The following GSAP variants were observed in gnomAD, a reference collection of about 807,000 sequenced individuals.
The protein encoded by GSAP is gamma-secretase-activating protein.
GSAP carries 118 observed loss-of-function variants against 131.7 expected under a neutral mutation model. That is an observed-to-expected ratio of 0.90 (90% CI 0.77 to 1.04). The LOEUF (loss-of-function observed/expected upper bound fraction) is 1.04. GSAP is among the 50% of genes least tolerant of loss of function. The probability of loss-of-function intolerance (pLI) is 0.00; values close to 1 mark genes in which losing one functional copy is unlikely to be tolerated. For synonymous variants in GSAP, 381 were observed against 363.4 expected (o/e 1.05, Z -0.55); for missense variants, 1,019 against 1,013.2 (o/e 1.01, Z -0.08).
intron 12 of GSAP, among the ~76,000 whole-genome samples, chr7:77,364,930 T>A (rs149333526): frequency 6.6e-6 from 1 of 152,166 alleles, no homozygotes; most frequent in African/African-American, 2.4e-5. Context: ...CCACATGTAG[T>A]CACTGAACAC....
intron 3 of GSAP, among the ~76,000 whole-genome samples, chr7:77,397,981 A>G (rs1315083949): frequency 1.3e-5 from 2 of 152,076 alleles, no homozygotes; most frequent in African/African-American, 4.8e-5. Context: ...AGACTTCTTT[A>G]ATTTTTTTTC....
intron 1 of GSAP, among the ~76,000 whole-genome samples, chr7:77,410,766 A>G (rs1803119378): frequency 6.6e-6 from 1 of 152,214 alleles, no homozygotes; most frequent in Non-Finnish European, 1.5e-5. Flanking sequence ...GACAAAAATT[A>G]AAGTATTTGT....
intron 19 of GSAP, among the ~76,000 whole-genome samples, chr7:77,347,443 T>C (rs374294076): frequency 1.3e-5 from 2 of 152,072 alleles, no homozygotes; most frequent in Non-Finnish European, 1.5e-5. Context: ...ACCCAGCTGG[T>C]GTCTGCTGCT....
chr7:77,313,313 A>G (rs1794612380), intron 28 of GSAP, among the ~76,000 whole-genome samples, 175 bp downstream of exon 28: 1 of 151,834 alleles, frequency 6.6e-6, no homozygotes, highest in South Asian at 2.1e-4. Context: ...TTGTAGGCCA[A>G]GTGGGAAACA....
chr7:77,397,429 AAT>A lies in GSAP; in HGVS notation c.244-16_244-15del. 1 of 1,388,616 alleles carries A rather than the reference AAT, an allele frequency of 7.2e-7. No homozygotes were observed. The highest frequency in any genetic ancestry group is 1.0e-6 in the Non-Finnish European group (1 of 988,024). 86.0% of individuals were successfully genotyped at this position (1,388,616 alleles called of 1,614,324 possible). A position where few individuals can be genotyped will look rare whatever the true frequency, so the allele number is the denominator to read the frequency against. ...GGTATATAGAAGCTATTAAAACAAA[AAT>A]ATTTTTTAATTTGAAGTTTCATACA... is the stretch of plus-strand genomic sequence containing the variant. On this transcript the variant is annotated splice_polypyrimidine_tract_variant and intron_variant, in intron 3 of 30. Coordinates refer to ENST00000257626, the MANE Select transcript of GSAP (RefSeq NM_017439.4).
intron 14 of GSAP, among the ~76,000 whole-genome samples, chr7:77,358,134 A>AG (rs1341375760): frequency 6.6e-6 from 1 of 152,206 alleles, no homozygotes; most frequent in Admixed American, 6.5e-5. Flanking sequence ...TGAGGTCAGG[A>AG]GTTCGAGACC....
Position 77,381,290 on chromosome 7 carries a change from A to C in GSAP, c.576+15T>G. 6.7e-7 allele frequency: 1 copy of C among 1,499,548 alleles called. No homozygotes were observed. Among genetic ancestry groups the C allele is most frequent in the Non-Finnish European group, 9.1e-7 (1 of 1,101,220 alleles). 92.9% of individuals were successfully genotyped at this position (1,499,548 alleles called of 1,614,324 possible). On this transcript the variant is annotated intron_variant, in intron 8 of 30. Transcript: ENST00000257626. ...AAAAAAAACCTATGAAGCGAAAAGA[A>C]TTTCAAATCTTTACCACTCTATTTC... is the stretch of plus-strand genomic sequence containing the variant.
At chr7:77,318,138 A>G (rs533490832) in intron 26 of GSAP, among the ~76,000 whole-genome samples, 22 of 152,344 alleles carry the variant, frequency 1.4e-4, no homozygotes, top group African/African-American at 4.8e-4. Flanking sequence ...TTTTGGAGCC[A>G]AACTGCCTGG....
Position 77,355,627 on chromosome 7 carries a change from A to C in GSAP, c.1048T>G (p.Leu350Val), listed in dbSNP as rs1248838395. The change falls in exon 15 of 31, where the codon TTA becomes GTA. Residue 350 changes from leucine (L) to valine (V), a missense_variant. Coordinates refer to ENST00000257626, the MANE Select transcript of GSAP (RefSeq NM_017439.4). Reference protein sequence around the residue: ...LNLDYYVAVYLPGHFFHLLNV... With the variant: ...LNLDYYVAVYVPGHFFHLLNV... Reference sequence around the variant, plus strand: ...AGTAGGTGGAAGAAATGACCAGGTAAGTAAACAGCCACATAATAGTCTATA... The same window carrying C: ...AGTAGGTGGAAGAAATGACCAGGTACGTAAACAGCCACATAATAGTCTATA... The C allele has an allele frequency of 6.3e-7, 1 of 1,591,488 alleles. No individual in the cohort carries two copies. The highest frequency in any genetic ancestry group is 8.6e-7 in the Non-Finnish European group (1 of 1,159,364).
chr7:77,397,883 T>TG (rs1262138638), intron 3 of GSAP, among the ~76,000 whole-genome samples: 8 of 152,208 alleles, frequency 5.3e-5, no homozygotes, highest in African/African-American at 1.9e-4. Context: ...ACTGAGGTAA[T>TG]TAATTACCTC....
In GSAP at chr7:77,355,592, T is replaced by C. The variant is rs1793562447; in HGVS notation, c.1083A>G (p.Gln361=). ...PGHFFHLLNV[Q]HPDLICHNLF... ...GATTGTGGCAGATCAGGTCTGGATG[T>C]TGAACATTAAGTAGGTGGAAGAAAT... Residue 361 remains glutamine, a synonymous_variant, in exon 15 of 31, where the codon CAA becomes CAG. Coordinates refer to ENST00000257626, the MANE Select transcript of GSAP (RefSeq NM_017439.4). 2.5e-6 allele frequency: 4 copies of C among 1,611,342 alleles called. No individual in the cohort carries two copies. The highest frequency in any genetic ancestry group is 3.3e-5 in the Admixed American group (2 of 59,988).
At chr7:77,360,300 T>C (rs1244668862) in intron 14 of GSAP, among the ~76,000 whole-genome samples, 2 of 152,198 alleles carry the variant, frequency 1.3e-5, no homozygotes, top group African/African-American at 2.4e-5. Flanking sequence ...CAACAAACCC[T>C]TTCTTTATTT....
intron 19 of GSAP, among the ~76,000 whole-genome samples, chr7:77,346,068 G>A (rs953764027): frequency 1.3e-5 from 2 of 151,588 alleles, no homozygotes; most frequent in African/African-American, 2.4e-5. Context: ...TCAGGAGTTC[G>A]AGACCAGCCT....
At chr7:77,362,733 A>G (rs1269075139) in intron 12 of GSAP, 73 bp from the exon 13 acceptor site, 11 of 829,848 alleles carry the variant, frequency 1.3e-5, no homozygotes, top group Non-Finnish European at 2.1e-5. Flanking sequence ...AACCACTTAA[A>G]CTTACTTCTA....
At chr7:77,403,574 A>C (rs997146118) in intron 3 of GSAP, among the ~76,000 whole-genome samples, 3 of 152,168 alleles carry the variant, frequency 2.0e-5, no homozygotes, top group Admixed American at 6.5e-5. Flanking sequence ...TTGGGGAAAA[A>C]AATAAGGAAA....
rs1393139182 is a variant in GSAP at position 77,312,627 on chromosome 7, A to G, written c.2272-425T>C. ...ATAAACAAATTTGGAGACCAAATTA[A>G]ATATTCAGCAATGTTTCCCAGAGAG... On this transcript the variant is annotated intron_variant, in intron 28 of 30. Coordinates refer to ENST00000257626, the MANE Select transcript of GSAP (RefSeq NM_017439.4). 5.3e-5 allele frequency among the ~76,000 whole-genome samples: 8 copies of G among 152,252 alleles called. No individual in the cohort carries two copies. In the East Asian group the frequency reaches 1.5e-3, roughly 29 times the overall value.
chr7:77,355,282 G>T lies in GSAP; in HGVS notation c.1269C>A (p.Asp423Glu). ...LLQLLQNTCL[D>E]CEKMAALHCA... ...AGTGCAACGCAGCCATCTTCTCACA[G>T]TCTAAGCAAGTGTTCTGCAGAAGCT... Residue 423 changes from aspartate to glutamate, a missense_variant, in exon 16 of 31, where the codon GAC (aspartate) becomes GAA (glutamate). Physicochemically the swap from Asp to Glu is conservative, Grantham distance 45. Coordinates refer to ENST00000257626, the MANE Select transcript of GSAP (RefSeq NM_017439.4). 6.2e-7 allele frequency: 1 copy of T among 1,614,042 alleles called. No homozygotes were observed. Among genetic ancestry groups the T allele is most frequent in the Non-Finnish European group, 8.5e-7 (1 of 1,179,940 alleles).
At chr7:77,409,074 A>C (rs757253856) in intron 1 of GSAP, among the ~76,000 whole-genome samples, 4 of 152,176 alleles carry the variant, frequency 2.6e-5, no homozygotes, top group Non-Finnish European at 5.9e-5. Context: ...TTTTCTATAC[A>C]TGGGTATAAA....
intron 12 of GSAP, among the ~76,000 whole-genome samples, chr7:77,364,710 T>C (rs535857664): frequency 6.6e-6 from 1 of 152,162 alleles, no homozygotes; most frequent in South Asian, 2.1e-4. Flanking sequence ...ATGTACCTAA[T>C]TACATATTCT....
Sources: allele counts gnomAD v4.1 joint callset (sites outside exome capture counted in the v4.1 genomes callset), GRCh38; gene constraint gnomAD v4.1.1; transcripts MANE v1.5; gene names NCBI Gene and HGNC (gene_info 2026-07-23, HGNC 2026-07-21).